WDR64: variants seen among roughly 807,000 people sequenced by gnomAD.
The protein encoded by WDR64 is WD repeat domain 64, also known as WD repeat-containing protein 64.
In WDR64, 112 loss-of-function variants were observed where a neutral mutation model predicts 139.3. The ratio of observed to expected loss-of-function variants is 0.80; its 90% CI spans 0.69 to 0.94. WDR64 has a LOEUF of 0.94. Among genes scored for constraint, WDR64 ranks in the 40% least tolerant of loss-of-function variants. The pLI is 0.00. For missense variants in WDR64, 1,206 were observed against 1,293.1 expected, an observed-to-expected ratio of 0.93 and a Z score of 1.03; for synonymous variants, 444 against 437.7, an observed-to-expected ratio of 1.01 and a Z score of -0.18.
At chr1:241,704,157 A>T (rs1667846296) in intron 8 of WDR64, among the ~76,000 whole-genome samples, 1 of 152,168 alleles carries the variant, frequency 6.6e-6, no homozygotes, top group South Asian at 2.1e-4. Flanking sequence ...GGTGGTGTTT[A>T]CAGGTGGGGC....
chr1:241,724,805 G>A (rs1037231189), intron 10 of WDR64, among the ~76,000 whole-genome samples: 2 of 152,180 alleles, frequency 1.3e-5, no homozygotes, highest in African/African-American at 2.4e-5. Context: ...TTTATTGAGT[G>A]CTTAAGTGCC....
intron 7 of WDR64, 24 bp downstream of exon 7, chr1:241,683,725 TAATTC>T (rs1558470983): frequency 6.9e-7 from 1 of 1,444,612 alleles, no homozygotes; most frequent in Non-Finnish European, 9.2e-7. Flanking sequence ...ACAGTTAATT[TAATTC>T]TTTTAATAAT....
chr1:241,676,745 GTTTTTTT>G (rs11342790), intron 4 of WDR64, among the ~76,000 whole-genome samples: 1 of 124,342 alleles, frequency 8.0e-6, no homozygotes, highest in African/African-American at 3.0e-5. Flanking sequence ...AAAATTAATG[GTTTTTTT>G]TTTTTTTTTT....
Position 241,799,087 on chromosome 1 carries a change from C to T in WDR64, c.3193-2045C>T, listed in dbSNP as rs1158692181. The stretch of plus-strand genomic sequence containing the variant: ...TTTTCCAAAGTATTTAATGACAGGC[C>T]AGGCTCAGTGGCTCATGCCTGTAAT... On this transcript the variant is annotated intron_variant, in intron 27 of 27. Transcript: ENST00000437684. 2.7e-5 allele frequency among the ~76,000 whole-genome samples: 4 copies of T among 149,206 alleles called. No individual in the cohort carries two copies. In the East Asian group the frequency reaches 8.0e-4, roughly 30 times the overall value.
intron 13 of WDR64, among the ~76,000 whole-genome samples, chr1:241,745,271 T>G (rs1470208253): frequency 1.3e-5 from 2 of 149,054 alleles, no homozygotes; most frequent in African/African-American, 5.0e-5. Flanking sequence ...AAGTCTCACT[T>G]TTAAAAGTGT....
chr1:241,703,710 A>G lies in WDR64; in HGVS notation c.975-8092A>G, dbSNP rs563765811. 3.3e-5 allele frequency among the ~76,000 whole-genome samples: 5 copies of G among 152,278 alleles called. No individual in the cohort carries two copies. In the South Asian group the frequency reaches 6.2e-4, roughly 19 times the overall value. On this transcript the variant is annotated intron_variant, in intron 8 of 27. Transcript: ENST00000437684. This position sits in a 1 kb window ranked among gnomAD's most constrained non-coding sequence, Gnocchi z 5.9. ...TGTATTAATCCATTTTCACACTGCT[A>G]TAAAGATACTATCTGAGACTCAATA...
At chr1:241,681,419 A>G (rs1215174074) in intron 6 of WDR64, among the ~76,000 whole-genome samples, 1 of 152,158 alleles carries the variant, frequency 6.6e-6, no homozygotes, top group African/African-American at 2.4e-5. Context: ...ATAGTCTCCA[A>G]TCCCATCCAG....
At chr1:241,735,823 A>ATCTCTCTC (rs762750963) in intron 10 of WDR64, among the ~76,000 whole-genome samples, 26 of 82,934 alleles carry the variant, frequency 3.1e-4, no homozygotes, top group African/African-American at 7.4e-4. Flanking sequence ...TTCTCTTTCT[A>ATCTCTCTC]TCTCTCTCTC....
chr1:241,775,833 ATTAG>A (rs1211207970), intron 21 of WDR64, among the ~76,000 whole-genome samples: 1 of 152,180 alleles, frequency 6.6e-6, no homozygotes, highest in Non-Finnish European at 1.5e-5. Context: ...TGTCAAAACA[ATTAG>A]TTAGAATTAG....
At chr1:241,690,966 T>C (rs1667246202) in intron 8 of WDR64, among the ~76,000 whole-genome samples, 1 of 152,178 alleles carries the variant, frequency 6.6e-6, no homozygotes, top group Non-Finnish European at 1.5e-5. Context: ...ATATATGGTA[T>C]ATTTGCTATG....
intron 12 of WDR64, among the ~76,000 whole-genome samples, chr1:241,744,106 T>G (rs1168158920): frequency 3.9e-5 from 6 of 152,220 alleles, no homozygotes; most frequent in Admixed American, 3.9e-4. Context: ...TAACCTTGCT[T>G]CAGGCTTACA....
chr1:241,717,698 A>T (rs1161992584), intron 9 of WDR64, among the ~76,000 whole-genome samples: 1 of 152,208 alleles, frequency 6.6e-6, no homozygotes, highest in Non-Finnish European at 1.5e-5. Context: ...TATTTATAGT[A>T]TAAAGACCTA....
chr1:241,743,140 T>C (rs1405289693), intron 12 of WDR64, among the ~76,000 whole-genome samples: 1 of 152,204 alleles, frequency 6.6e-6, no homozygotes, highest in East Asian at 1.9e-4. Context: ...AGCTGAAACC[T>C]GTCCTGCTTT....
intron 14 of WDR64, among the ~76,000 whole-genome samples, chr1:241,752,386 T>G (rs1418890494): frequency 1.3e-5 from 2 of 152,104 alleles, no homozygotes; most frequent in Non-Finnish European, 2.9e-5. Context: ...ATAATGGTAG[T>G]AGAGTTTCCC....
chr1:241,699,935 T>C (rs1418750549), intron 8 of WDR64, among the ~76,000 whole-genome samples: 1 of 151,860 alleles, frequency 6.6e-6, no homozygotes, highest in Non-Finnish European at 1.5e-5. Flanking sequence ...AAAAATGTTT[T>C]TGACAGCAGA....
intron 11 of WDR64, among the ~76,000 whole-genome samples, chr1:241,739,084 C>CT (rs1441906701): frequency 6.6e-6 from 1 of 152,196 alleles, no homozygotes; most frequent in Non-Finnish European, 1.5e-5. Context: ...GACACCTTCA[C>CT]CAGCCTTTGC....
chr1:241,667,765 T>G lies in WDR64; in HGVS notation c.277-3309T>G, dbSNP rs144364119. The stretch of plus-strand genomic sequence containing the variant: ...TTTCCTGAAAGTCTCCAGCAAAGAA[T>G]GCATCTCTACTGACACCTTCATATT... On this transcript the variant is annotated intron_variant, in intron 2 of 27. Transcript: ENST00000437684. Among the ~76,000 whole-genome samples the G allele has an allele frequency of 9.7e-3, 1,479 of 152,282 alleles. 18 individuals carry two copies. Among genetic ancestry groups the G allele is most frequent in the Non-Finnish European group, 0.014 (923 of 68,026 alleles).
chr1:241,789,119 T>C (rs1659141478), intron 24 of WDR64, among the ~76,000 whole-genome samples: 1 of 152,014 alleles, frequency 6.6e-6, no homozygotes. Context: ...TAATAAAGAA[T>C]GACTAATGGA....
At chr1:241,784,437 G>A (rs548708007) in intron 23 of WDR64, among the ~76,000 whole-genome samples, 4 of 152,260 alleles carry the variant, frequency 2.6e-5, no homozygotes, top group African/African-American at 7.2e-5. Flanking sequence ...TCAAGAAGAC[G>A]TGAACTTTAA....
Sources: allele counts gnomAD v4.1 joint callset (sites outside exome capture counted in the v4.1 genomes callset), GRCh38; gene constraint gnomAD v4.1.1; non-coding constraint Gnocchi (gnomAD v3.1); transcripts MANE v1.5; gene names NCBI Gene and HGNC (gene_info 2026-07-23, HGNC 2026-07-21).